Variants in POLI observed in about 807,000 individuals in gnomAD.
POLI encodes RAD30 homolog B.
POLI carries 58 observed loss-of-function variants against 51.6 expected under a neutral mutation model. The ratio of observed to expected loss-of-function variants is 1.12; its 90% CI spans 0.91 to 1.40. The LOEUF is 1.40. Among genes scored for constraint, POLI ranks in the 40% most tolerant of loss-of-function variants. POLI has a pLI of 0.00. For synonymous variants in POLI, 322 were observed against 299.7 expected, an observed-to-expected ratio of 1.07 and a Z score of -0.77; for missense variants, 921 against 871.3, an observed-to-expected ratio of 1.06 and a Z score of -0.72.
At position 54,294,624 on chromosome 18, in the gene POLI, A is replaced by G; in HGVS notation, c.*157A>G. On this transcript the variant is annotated 3_prime_UTR_variant, in exon 10 of 10. Transcript: ENST00000579534. ...ATAGTTGCAAGAAGTAAATTCTGGC[A>G]CAAAGCGTAAAAATATAACAGAAGA... 5 of 1,301,642 alleles carry G rather than the reference A, an allele frequency of 3.8e-6. No individual in the cohort carries two copies. Among genetic ancestry groups the G allele is most frequent in the Non-Finnish European group, 4.9e-6 (5 of 1,028,902 alleles). 80.6% of individuals were successfully genotyped at this position (1,301,642 alleles called of 1,614,324 possible).
intron 3 of POLI, among the ~76,000 whole-genome samples, chr18:54,317,996 T>C (rs2088755867): frequency 6.6e-6 from 1 of 152,192 alleles, no homozygotes; most frequent in Non-Finnish European, 1.5e-5. Context: ...AGATTTAATG[T>C]CCAAAAAAAT....
intron 3 of POLI, among the ~76,000 whole-genome samples, chr18:54,319,137 G>T (rs1332891584): frequency 6.6e-6 from 1 of 152,296 alleles, no homozygotes; most frequent in East Asian, 1.9e-4. Flanking sequence ...AGAGCTGAGT[G>T]CTGTAAAGAG....
At chr18:54,283,249 CTTAATT>C (rs1316929392) in intron 6 of POLI, among the ~76,000 whole-genome samples, 1 of 152,058 alleles carries the variant, frequency 6.6e-6, no homozygotes, top group South Asian at 2.1e-4. Context: ...GACAGTGCAA[CTTAATT>C]TTAATAGCCT....
chr18:54,278,804 A>G (rs1057157510), intron 4 of POLI, among the ~76,000 whole-genome samples: 9 of 152,182 alleles, frequency 5.9e-5, no homozygotes, highest in African/African-American at 2.2e-4. Flanking sequence ...CATACCACAT[A>G]CAAGACAAGG....
downstream of POLI, among the ~76,000 whole-genome samples, chr18:54,302,224 G>A (rs569318789): frequency 1.3e-5 from 2 of 152,262 alleles, no homozygotes; most frequent in East Asian, 3.9e-4. Flanking sequence ...TGTCTGGCTG[G>A]CTGTGTTATA....
intron 3 of POLI, among the ~76,000 whole-genome samples, chr18:54,317,397 T>G (rs2088747528): frequency 6.6e-6 from 1 of 152,168 alleles, no homozygotes; most frequent in Non-Finnish European, 1.5e-5. Flanking sequence ...TTCATACAAG[T>G]GTGTACAGTA....
chr18:54,279,851 C>A (rs567655390), intron 4 of POLI, among the ~76,000 whole-genome samples: 1 of 152,112 alleles, frequency 6.6e-6, no homozygotes, highest in Non-Finnish European at 1.5e-5. Flanking sequence ...ACTGCTAGTG[C>A]GTGGTTAAGA....
At chr18:54,278,583 A>G (rs1183489529) in intron 4 of POLI, among the ~76,000 whole-genome samples, 1 of 152,202 alleles carries the variant, frequency 6.6e-6, no homozygotes, top group Non-Finnish European at 1.5e-5. Flanking sequence ...CATGTGCTAG[A>G]ATCTTCTCCA....
In POLI at chr18:54,295,332, G is replaced by A. The variant is rs1425084289; in HGVS notation, c.*865G>A. The A allele has an allele frequency of 5.1e-6, 5 of 984,838 alleles. No individual in the cohort carries two copies. The highest frequency in any genetic ancestry group is 6.0e-6 in the Non-Finnish European group (5 of 829,416). The allele number at this position is 984,838 out of a possible 1,614,324, so 61.0% of individuals were successfully genotyped here. A position where few individuals can be genotyped will look rare whatever the true frequency, so the allele number is the denominator to read the frequency against. On this transcript the variant is annotated 3_prime_UTR_variant, in exon 10 of 10. Coordinates refer to ENST00000579534, the MANE Select transcript of POLI (RefSeq NM_007195.3). Reference sequence around the variant, plus strand: ...GGTTGTCATAACAACCACAAATATAGACCATTACTAAATTGGTGGATGTCC... The same window carrying A: ...GGTTGTCATAACAACCACAAATATAAACCATTACTAAATTGGTGGATGTCC...
At position 54,269,617 on chromosome 18, in the gene POLI, G is replaced by T; in HGVS notation, c.71G>T (p.Trp24Leu). 1 of 1,511,538 alleles carries T rather than the reference G, an allele frequency of 6.6e-7. No homozygotes were observed. 93.6% of individuals were successfully genotyped at this position (1,511,538 alleles called of 1,614,324 possible). Residue 24 changes from tryptophan to leucine, a missense_variant, in exon 1 of 10, where the codon TGG becomes TTG. By Grantham distance (61) the Trp-to-Leu change is moderately conservative (BLOSUM62 -2). Transcript: ENST00000579534. ...GDDDEEDAEA[W>L]AMELADVGAA... ...GACGACGAGGAAGACGCCGAGGCCTGGGCCATGGAACTGGCGGACGTGGGG... is the reference window on the plus strand; with the variant it reads ...GACGACGAGGAAGACGCCGAGGCCTTGGCCATGGAACTGGCGGACGTGGGG...
At chr18:54,293,192 G>A (rs2088109157) in intron 9 of POLI, among the ~76,000 whole-genome samples, 1 of 151,692 alleles carries the variant, frequency 6.6e-6, no homozygotes, top group Non-Finnish European at 1.5e-5. Flanking sequence ...TCTTGATGAT[G>A]TTGGGTTTTG....
chr18:54,305,671 G>A (rs955294881), intron 3 of POLI, among the ~76,000 whole-genome samples: 2 of 102,996 alleles, frequency 1.9e-5, no homozygotes, highest in African/African-American at 6.6e-5. Flanking sequence ...TGAGACGATG[G>A]GGTTTTCTAA....
Position 54,297,758 on chromosome 18 carries a change from A to C in POLI, c.*3291A>C, listed in dbSNP as rs991465671. ...CTTTCCAAACAACACAAAGGTATTG[A>C]AATAACATTAATTCTAATTAAATTC... On this transcript the variant is annotated 3_prime_UTR_variant, in exon 10 of 10. Coordinates refer to ENST00000579534, the MANE Select transcript of POLI (RefSeq NM_007195.3). 1 of 967,710 alleles carries C rather than the reference A, an allele frequency of 1.0e-6. No individual in the cohort carries two copies. Among genetic ancestry groups the C allele is most frequent in the Admixed American group, 6.2e-5 (1 of 16,242 alleles). The allele number at this position is 967,710 out of a possible 1,614,324, so 59.9% of individuals were successfully genotyped here.
rs1018701253 is a variant in POLI at position 54,297,728 on chromosome 18, A to T, written c.*3261A>T. ...TTATCCTTAAACATCTAAAAATGCT[A>T]CCCTCTTTCCAAACAACACAAAGGT... On this transcript the variant is annotated 3_prime_UTR_variant, in exon 10 of 10. Coordinates refer to ENST00000579534, the MANE Select transcript of POLI (RefSeq NM_007195.3). 68 of 970,920 alleles carry T rather than the reference A, an allele frequency of 7.0e-5. No individual in the cohort carries two copies. In the South Asian group the frequency reaches 3.0e-3, roughly 42 times the overall value. 60.1% of individuals were successfully genotyped at this position (970,920 alleles called of 1,614,324 possible).
intron 3 of POLI, among the ~76,000 whole-genome samples, chr18:54,309,677 C>T (rs2088641279): frequency 1.3e-5 from 2 of 152,218 alleles, no homozygotes; most frequent in African/African-American, 2.4e-5. Context: ...CTATGCCCTG[C>T]CCTCAGAGAT....
chr18:54,295,655 T>C lies in POLI; in HGVS notation c.*1188T>C. ...TTCTTTTTTTGTTTTGGAGACAGAG[T>C]CTCACTCTGTCGCCCAGGGTGGAGT... is the stretch of plus-strand genomic sequence containing the variant. On this transcript the variant is annotated 3_prime_UTR_variant, in exon 10 of 10. Coordinates refer to ENST00000579534, the MANE Select transcript of POLI (RefSeq NM_007195.3). 1 of 450,344 alleles carries C rather than the reference T, an allele frequency of 2.2e-6. No individual in the cohort carries two copies. The highest frequency in any genetic ancestry group is 2.9e-6 in the Non-Finnish European group (1 of 341,716). The allele number at this position is 450,344 out of a possible 1,614,324, so 27.9% of individuals were successfully genotyped here.
rs1462760188 is a variant in POLI, at chr18:54,297,259, T to A, written c.*2792T>A. 2.0e-6 allele frequency: 2 copies of A among 985,240 alleles called. No homozygotes were observed. Among genetic ancestry groups the A allele is most frequent in the Non-Finnish European group, 2.4e-6 (2 of 829,926 alleles). 61.0% of individuals were successfully genotyped at this position (985,240 alleles called of 1,614,324 possible). A position where few individuals can be genotyped will look rare whatever the true frequency, so the allele number is the denominator to read the frequency against. On this transcript the variant is annotated 3_prime_UTR_variant, in exon 10 of 10. Coordinates refer to ENST00000579534, the MANE Select transcript of POLI (RefSeq NM_007195.3). Reference sequence around the variant, plus strand: ...TCTTGCTTGATGCTTTCTGCTGCTTTCTTGCTTTTGTTTCAGCTCGAGTTT... The same window carrying A: ...TCTTGCTTGATGCTTTCTGCTGCTTACTTGCTTTTGTTTCAGCTCGAGTTT...
At chr18:54,319,927 A>T (rs952223908) in intron 3 of POLI, among the ~76,000 whole-genome samples, 1 of 152,182 alleles carries the variant, frequency 6.6e-6, no homozygotes, top group African/African-American at 2.4e-5. Context: ...TTCTTGGGAT[A>T]TGTATTTTAT....
Position 54,269,674 on chromosome 18 carries a change from C to G in POLI, c.115+13C>G. ...GCCAGCTCGCAGGGTGCGCCGCAGC[C>G]AGAGGAGCCAGCGGCCTCCTTGGGT... On this transcript the variant is annotated intron_variant, in intron 1 of 9. Coordinates refer to ENST00000579534, the MANE Select transcript of POLI (RefSeq NM_007195.3). The G allele has an allele frequency of 6.7e-7, 1 of 1,499,938 alleles. No individual in the cohort carries two copies. The highest frequency in any genetic ancestry group is 8.9e-7 in the Non-Finnish European group (1 of 1,129,454). 92.9% of individuals were successfully genotyped at this position (1,499,938 alleles called of 1,614,324 possible).
Sources: allele counts gnomAD v4.1 joint callset (sites outside exome capture counted in the v4.1 genomes callset), GRCh38; gene constraint gnomAD v4.1.1; transcripts MANE v1.5; gene names NCBI Gene and HGNC (gene_info 2026-07-23, HGNC 2026-07-21).